COG1: variants seen among roughly 807,000 people sequenced by gnomAD.
COG1 encodes conserved oligomeric Golgi complex subunit 1.
COG1 carries 61 observed loss-of-function variants against 102.2 expected under a neutral mutation model. The ratio of observed to expected loss-of-function variants is 0.60; its 90% CI spans 0.49 to 0.74. The LOEUF (loss-of-function observed/expected upper bound fraction) is 0.74, where lower values mean the gene tolerates loss of function less well. COG1 is among the 30% of genes least tolerant of loss of function. COG1 has a pLI of 0.00. For synonymous variants in COG1, 454 were observed against 493.6 expected, an observed-to-expected ratio of 0.92 and a Z score of 1.06; for missense variants, 1,164 against 1,232.1, an observed-to-expected ratio of 0.94 and a Z score of 0.83.
At chr17:73,194,958 C>A (rs1019005721) in intron 1 of COG1, among the ~76,000 whole-genome samples, 3 of 152,222 alleles carry the variant, frequency 2.0e-5, no homozygotes, top group African/African-American at 7.2e-5. Flanking sequence ...GGTCAGTAGA[C>A]TGGACTGACA....
In COG1 at chr17:73,208,394, C is replaced by T. The variant is rs773666400; in HGVS notation, c.2886C>T (p.Asp962=). 6.2e-7 allele frequency: 1 copy of T among 1,614,236 alleles called. No homozygotes were observed. The highest frequency in any genetic ancestry group is 1.1e-5 in the South Asian group (1 of 91,088). The change falls in exon 14 of 14, where the codon GAC becomes GAT. Residue 962 remains aspartate (D), a synonymous_variant. Coordinates refer to ENST00000299886, the MANE Select transcript of COG1 (RefSeq NM_018714.3). Reference sequence around the variant, plus strand: ...TCAGACAGCTTGTCAGTGAAGAAGACAACACGTCTGCACCTTCATTATTCA... The same window carrying T: ...TCAGACAGCTTGTCAGTGAAGAAGATAACACGTCTGCACCTTCATTATTCA... ...SLFRQLVSEE[D]NTSAPSLFKL...
At position 73,193,357 on chromosome 17, in the gene COG1, C is replaced by T. The variant is rs1038672554; in HGVS notation, c.288C>T (p.Ala96=). The part of the protein sequence containing the change: ...YCARLRQAGS[A]APRPPRAQQP... ...CCCGCCTCCGCCAGGCCGGCTCGGCCGCGCCCCGGCCACCGCGGGCCCAGC... is the reference window on the plus strand; with the variant it reads ...CCCGCCTCCGCCAGGCCGGCTCGGCTGCGCCCCGGCCACCGCGGGCCCAGC... Residue 96 remains alanine (A), a synonymous_variant, in exon 1 of 14, where the codon GCC becomes GCT. Transcript: ENST00000299886. The T allele has an allele frequency of 2.0e-6, 3 of 1,496,728 alleles. No homozygotes were observed. Among genetic ancestry groups the T allele is most frequent in the African/African-American group, 1.4e-5 (1 of 69,396 alleles). The allele number at this position is 1,496,728 out of a possible 1,614,324, so 92.7% of individuals were successfully genotyped here. A position where few individuals can be genotyped will look rare whatever the true frequency, so the allele number is the denominator to read the frequency against.
At chr17:73,196,057 C>T (rs769879717) in intron 1 of COG1, among the ~76,000 whole-genome samples, 20 of 152,082 alleles carry the variant, frequency 1.3e-4, no homozygotes, top group Non-Finnish European at 2.6e-4. Context: ...CTGGGAAGTC[C>T]AAGATTAAGG....
chr17:73,206,248 G>C lies in COG1; in HGVS notation c.2605G>C (p.Val869Leu), dbSNP rs886053370. 3.7e-6 allele frequency: 6 copies of C among 1,613,868 alleles called. No individual in the cohort carries two copies. The African/African-American group carries it at 4.0e-5, about 11-fold the overall frequency. ...PHLNSNLHRL[V>L]QRTSVLFGLV... ...CCTCAACAGCAACCTTCATCGCCTG[G>C]TGCAGCGAACTTCTGTGAGTCAAAT... The change falls in exon 11 of 14, where the codon GTG (valine) becomes CTG (leucine). Residue 869 changes from valine to leucine, a missense_variant. By Grantham distance (32) the Val-to-Leu change is conservative. Coordinates refer to ENST00000299886, the MANE Select transcript of COG1 (RefSeq NM_018714.3).
At chr17:73,206,607 G>A in intron 11 of COG1, 101 bp from the exon 12 acceptor site, 1 of 807,190 alleles carries the variant, frequency 1.2e-6, no homozygotes, top group Non-Finnish European at 2.1e-6. Context: ...CAAAATGACA[G>A]TTAGAAATAC....
At position 73,200,606 on chromosome 17, in the gene COG1, A is replaced by G. The variant is rs748060400; in HGVS notation, c.1111A>G (p.Met371Val). ...TAAAAATGGGATCACCAACCTGCTC[A>G]TGTACGTGAAGAGCATGAAGGGTCT... ...DIKNGITNLL[M>V]YVKSMKGLAG... is the part of the protein sequence containing the mutation. Residue 371 changes from methionine (M) to valine (V), a missense_variant, in exon 6 of 14, where the codon ATG (methionine) becomes GTG (valine). Met to Val is a conservative substitution (Grantham distance 21). Transcript: ENST00000299886. The G allele has an allele frequency of 3.1e-6, 5 of 1,614,206 alleles. No individual in the cohort carries two copies. Among genetic ancestry groups the G allele is most frequent in the Middle Eastern group, 1.7e-4 (1 of 6,060 alleles).
chr17:73,201,749 A>T lies in COG1; in HGVS notation c.1922A>T (p.Lys641Ile), dbSNP rs2061347999. ...CTGGGAAAATCAGAGAGCTCAGAGAAACCAGCAAGGGAGTTTAGGGCTCTG... is the reference window on the plus strand; with the variant it reads ...CTGGGAAAATCAGAGAGCTCAGAGATACCAGCAAGGGAGTTTAGGGCTCTG... ...CILGKSESSE[K>I]PAREFRALRK... Residue 641 changes from lysine (K) to isoleucine (I), a missense_variant, in exon 7 of 14, where the codon AAA (lysine) becomes ATA (isoleucine). Coordinates refer to ENST00000299886, the MANE Select transcript of COG1 (RefSeq NM_018714.3). 1 of 1,614,084 alleles carries T rather than the reference A, an allele frequency of 6.2e-7. No homozygotes were observed.
chr17:73,203,787 G>C lies in COG1; in HGVS notation c.2376G>C (p.Gln792His), dbSNP rs567735342. 2 of 1,614,082 alleles carry C rather than the reference G, an allele frequency of 1.2e-6. No homozygotes were observed. Among genetic ancestry groups the C allele is most frequent in the South Asian group, 1.1e-5 (1 of 91,092 alleles). ...AAYEKLSEEK[Q>H]IKKEGAFPVT... ...ATGAGAAACTCTCCGAAGAAAAACAGATTAAGGTAGGTGTCTGAATGTTTG... is the reference window on the plus strand; with the variant it reads ...ATGAGAAACTCTCCGAAGAAAAACACATTAAGGTAGGTGTCTGAATGTTTG... The change falls in exon 9 of 14, where the codon CAG (glutamine) becomes CAC (histidine). Residue 792 changes from glutamine to histidine, a missense_variant. Coordinates refer to ENST00000299886, the MANE Select transcript of COG1 (RefSeq NM_018714.3).
chr17:73,201,172 T>C lies in COG1; in HGVS notation c.1345T>C (p.Leu449=), dbSNP rs756380726. The part of the protein sequence containing the change: ...SSSKELLVSA[L]QELESSTSNS... Reference sequence around the variant, plus strand: ...CTCCAAGGAGCTCTTGGTTTCAGCTTTGCAGGAACTTGAAAGCAGCACCAG... The same window carrying C: ...CTCCAAGGAGCTCTTGGTTTCAGCTCTGCAGGAACTTGAAAGCAGCACCAG... Residue 449 remains leucine, a synonymous_variant, in exon 7 of 14, where the codon TTG becomes CTG. Transcript: ENST00000299886. The C allele has an allele frequency of 2.5e-6, 4 of 1,614,084 alleles. No individual in the cohort carries two copies. Among genetic ancestry groups the C allele is most frequent in the Admixed American group, 3.3e-5 (2 of 60,008 alleles).
At position 73,206,747 on chromosome 17, in the gene COG1, G is replaced by A. The variant is rs774356907; in HGVS notation, c.2659G>A (p.Ala887Thr). The change falls in exon 12 of 14, where the codon GCC becomes ACC. Residue 887 changes from alanine (A) to threonine (T), a missense_variant. Transcript: ENST00000299886. Reference sequence around the variant, plus strand: ...GGTGACTGGTACAGAGAATCAGCTCGCCCCCCGGAGCAGTACGTTCAACTC... The same window carrying A: ...GGTGACTGGTACAGAGAATCAGCTCACCCCCCGGAGCAGTACGTTCAACTC... ...GLVTGTENQL[A>T]PRSSTFNSQE... The A allele has an allele frequency of 2.2e-5, 36 of 1,611,048 alleles. No homozygotes were observed. In the South Asian group the frequency reaches 2.5e-4, roughly 11 times the overall value.
chr17:73,196,388 A>C (rs1426381772), intron 1 of COG1, 119 bp from the exon 2 acceptor site: 2 of 1,468,144 alleles, frequency 1.4e-6, no homozygotes, highest in East Asian at 4.5e-5. Context: ...AGTTGTACTG[A>C]ACCCAGCTTA....
intron 9 of COG1, among the ~76,000 whole-genome samples, chr17:73,204,372 C>T (rs909642224): frequency 2.0e-5 from 3 of 152,006 alleles, no homozygotes; most frequent in African/African-American, 7.3e-5. Context: ...GCCCCCGGCC[C>T]CAGCCACAGC....
In COG1 at chr17:73,205,655, A is replaced by C. The variant is rs199752799; in HGVS notation, c.2485A>C (p.Ser829Arg). ...GACAGCCAAGGGTGACGAGGTGAAGAGTGGCCGGAGCAAGCCAGACTCCAG... is the reference window on the plus strand; with the variant it reads ...GACAGCCAAGGGTGACGAGGTGAAGCGTGGCCGGAGCAAGCCAGACTCCAG... ...VLTAKGDEVK[S>R]GRSKPDSRIE... The change falls in exon 10 of 14, where the codon AGT becomes CGT. Residue 829 changes from serine to arginine, a missense_variant. Transcript: ENST00000299886. 6.5e-5 allele frequency: 105 copies of C among 1,613,766 alleles called. No individual in the cohort carries two copies. The highest frequency in any genetic ancestry group is 7.4e-5 in the Non-Finnish European group (87 of 1,179,962).
chr17:73,206,648 T>TC lies in COG1; in HGVS notation c.2620-60_2620-59insC, dbSNP rs1464341092. 4 of 1,137,358 alleles carry TC rather than the reference T, an allele frequency of 3.5e-6. No homozygotes were observed. The African/African-American group carries it at 6.2e-5, about 18-fold the overall frequency. The allele number at this position is 1,137,358 out of a possible 1,614,324, so 70.5% of individuals were successfully genotyped here. On this transcript the variant is annotated intron_variant, in intron 11 of 13. Transcript: ENST00000299886. ...CGATGGGTGACTAACCTTTTTTTTT[T>TC]TTTTTTTGCCTTTCTTTTACCTGCA...
At position 73,199,869 on chromosome 17, in the gene COG1, G is replaced by T; in HGVS notation, c.918G>T (p.Lys306Asn). ...CTCACTTGGCCTTCTCTTTAGGAAA[G>T]GGCACTGGTGTCCTGCAGGAAGAGA... ...ETITGQHPAG[K>N]GTGVLQEEMK... The change falls in exon 5 of 14, where the codon AAG (lysine) becomes AAT (asparagine). Residue 306 changes from lysine to asparagine, a missense_variant. Lys to Asn is a moderately conservative substitution (Grantham distance 94, BLOSUM62 0). Transcript: ENST00000299886. 1 of 1,614,160 alleles carries T rather than the reference G, an allele frequency of 6.2e-7. No homozygotes were observed. The highest frequency in any genetic ancestry group is 8.5e-7 in the Non-Finnish European group (1 of 1,180,036).
intron 7 of COG1, among the ~76,000 whole-genome samples, chr17:73,202,198 G>A (rs1432621618): frequency 6.6e-6 from 1 of 152,102 alleles, no homozygotes; most frequent in Non-Finnish European, 1.5e-5. Flanking sequence ...AATTAGCCGG[G>A]CATGGTGGTG....
chr17:73,202,750 T>C (rs2061352169), intron 7 of COG1, among the ~76,000 whole-genome samples: 2 of 152,106 alleles, frequency 1.3e-5, no homozygotes, highest in African/African-American at 2.4e-5. Context: ...ATTGTGCCAC[T>C]GCAATCAGCC....
intron 1 of COG1, among the ~76,000 whole-genome samples, chr17:73,194,365 C>T (rs1484680216): frequency 2.8e-5 from 4 of 143,154 alleles, no homozygotes; most frequent in Non-Finnish European, 6.2e-5. Context: ...TGGCATGAAC[C>T]CGGGAGGCGG....
In COG1 at chr17:73,196,740, C is replaced by T. The variant is rs1302286767; in HGVS notation, c.549C>T (p.Ala183=). 6.2e-7 allele frequency: 1 copy of T among 1,614,148 alleles called. No homozygotes were observed. The highest frequency in any genetic ancestry group is 2.2e-5 in the East Asian group (1 of 44,886). ...FPILIRQVAA[A]SHFRSTILHE... ...TACTCATCCGGCAGGTGGCAGCCGCCAGCCACTTCCGGTAAGTGGATCCAG... is the reference window on the plus strand; with the variant it reads ...TACTCATCCGGCAGGTGGCAGCCGCTAGCCACTTCCGGTAAGTGGATCCAG... The change falls in exon 2 of 14, where the codon GCC becomes GCT. Residue 183 remains alanine, a synonymous_variant. Transcript: ENST00000299886.
Sources: gnomAD v4.1 joint callset for allele counts (sites outside exome capture counted in the v4.1 genomes callset) on GRCh38, gnomAD v4.1.1 for gene constraint, MANE v1.5 for transcripts, NCBI Gene and HGNC (gene_info 2026-07-23, HGNC 2026-07-21) for gene names.